Variants in SPECC1 observed in about 807,000 individuals in gnomAD.
SPECC1 encodes the protein sperm antigen with calponin homology and coiled-coil domains 1.
Under a neutral mutation model 104.1 loss-of-function variants are expected in SPECC1, and 62 were observed. That is an observed-to-expected ratio of 0.60 (90% CI 0.49 to 0.74). The LOEUF is 0.74. Among genes scored for constraint, SPECC1 ranks in the 30% least tolerant of loss-of-function variants. The probability of loss-of-function intolerance (pLI) is 0.00; values close to 1 mark genes in which losing one functional copy is unlikely to be tolerated. For missense variants in SPECC1, 1,306 were observed against 1,310.5 expected (o/e 1.00, Z 0.05); for synonymous variants, 513 against 501.6 (o/e 1.02, Z -0.30).
At chr17:20,189,977 CTT>C (rs1459425102) in intron 3 of SPECC1, among the ~76,000 whole-genome samples, 2 of 152,068 alleles carry the variant, frequency 1.3e-5, no homozygotes, top group African/African-American at 2.4e-5. Flanking sequence ...GTGTAGGACT[CTT>C]TTGTGTTTTT....
intron 1 of SPECC1, among the ~76,000 whole-genome samples, chr17:20,066,311 AG>A (rs1356129068): frequency 6.6e-6 from 1 of 152,158 alleles, no homozygotes; most frequent in Non-Finnish European, 1.5e-5. Context: ...AGTTATTTTT[AG>A]GGTTGATAAA....
chr17:20,108,031 C>T (rs115850273), intron 2 of SPECC1, among the ~76,000 whole-genome samples: 2 of 152,110 alleles, frequency 1.3e-5, no homozygotes, highest in Non-Finnish European at 2.9e-5. Context: ...CTACCGTCAT[C>T]CCTCTTGTTA....
chr17:20,242,513 C>T (rs2039247851), intron 7 of SPECC1, among the ~76,000 whole-genome samples: 1 of 151,266 alleles, frequency 6.6e-6, no homozygotes, highest in South Asian at 2.1e-4. Flanking sequence ...TAGTATCTGG[C>T]CTGCAACTGT....
chr17:20,149,645 T>C (rs79757538), intron 3 of SPECC1, among the ~76,000 whole-genome samples: 141 of 152,316 alleles, frequency 9.3e-4, no homozygotes, highest in Non-Finnish European at 1.6e-3. Context: ...CTTTTCTTTG[T>C]ATCCTTTTGC....
At chr17:20,222,159 C>G (rs1264488185) in intron 4 of SPECC1, among the ~76,000 whole-genome samples, 1 of 151,980 alleles carries the variant, frequency 6.6e-6, no homozygotes, top group East Asian at 1.9e-4. Context: ...CATGGAGAAA[C>G]CCTGTCTCTA....
intron 1 of SPECC1, among the ~76,000 whole-genome samples, chr17:20,026,975 A>G (rs1243705725): frequency 6.6e-6 from 1 of 152,074 alleles, no homozygotes; most frequent in Admixed American, 6.6e-5. Flanking sequence ...GATAGTAGCC[A>G]TTCTAACTGG....
intron 1 of SPECC1, among the ~76,000 whole-genome samples, chr17:20,091,672 T>G (rs1375997473): frequency 6.6e-6 from 1 of 152,144 alleles, no homozygotes; most frequent in African/African-American, 2.4e-5. Context: ...GTGGTTCACT[T>G]ACGTTCTATT....
chr17:20,020,653 C>T (rs2044338629), intron 1 of SPECC1, among the ~76,000 whole-genome samples: 1 of 152,192 alleles, frequency 6.6e-6, no homozygotes, highest in Non-Finnish European at 1.5e-5. Flanking sequence ...TGGTTTTAGA[C>T]CTCAGGTGTG....
intron 3 of SPECC1, among the ~76,000 whole-genome samples, chr17:20,197,639 A>T (rs1487823095): frequency 6.6e-6 from 1 of 152,200 alleles, no homozygotes; most frequent in Non-Finnish European, 1.5e-5. Context: ...GCAGAGACCA[A>T]AAGTACTGCC....
chr17:20,241,080 A>ATC (rs1218255837), intron 7 of SPECC1, among the ~76,000 whole-genome samples: 1 of 152,140 alleles, frequency 6.6e-6, no homozygotes, highest in African/African-American at 2.4e-5. Flanking sequence ...AGTGCTTCTG[A>ATC]TCTTCTTCTC....
intron 14 of SPECC1, 78 bp from the exon 15 acceptor site, chr17:20,313,898 C>T: frequency 4.4e-6 from 6 of 1,367,670 alleles, no homozygotes; most frequent in Non-Finnish European, 6.2e-6. Context: ...TAAGCCCTAA[C>T]CTGGACTGAA....
chr17:20,106,020 C>CT (rs2048181698), intron 2 of SPECC1, among the ~76,000 whole-genome samples: 2 of 152,204 alleles, frequency 1.3e-5, no homozygotes, highest in South Asian at 4.1e-4. Context: ...AAATTCTGTA[C>CT]TTTGAGTCAG....
At chr17:20,270,739 A>G (rs920872929) in intron 12 of SPECC1, among the ~76,000 whole-genome samples, 3 of 152,110 alleles carry the variant, frequency 2.0e-5, no homozygotes, top group Non-Finnish European at 4.4e-5. Flanking sequence ...CTAGAAGTGA[A>G]TTTGTTTTTG....
rs191912271 is a variant in SPECC1, at chr17:20,029,391, A to G, written c.-22+19967A>G. ...TCCTGCAGCCTTGCTGAACTTGTTT[A>G]TCAGTTATCATAGTGTCTTAGTAGT... On this transcript the variant is annotated intron_variant, in intron 1 of 14. Coordinates refer to ENST00000395527, the MANE Select transcript of SPECC1 (RefSeq NM_001243439.2). 1.1e-3 allele frequency among the ~76,000 whole-genome samples: 161 copies of G among 152,282 alleles called. 2 individuals are homozygous for G. Among genetic ancestry groups the G allele is most frequent in the Admixed American group, 1.1e-3 (17 of 15,290 alleles).
rs534145036 is a variant in SPECC1 at position 20,133,285 on chromosome 17, A to T, written c.283+22723A>T. 3.6e-4 allele frequency among the ~76,000 whole-genome samples: 55 copies of T among 151,962 alleles called. No individual in the cohort carries two copies. The South Asian group carries it at 4.8e-3, about 13-fold the overall frequency. ...TATTATTTCCTTATCTGAAAAACAG[A>T]GCTAGTCTTACCCATCTCCTACAGT... On this transcript the variant is annotated intron_variant, in intron 3 of 14. Coordinates refer to ENST00000395527, the MANE Select transcript of SPECC1 (RefSeq NM_001243439.2).
intron 12 of SPECC1, among the ~76,000 whole-genome samples, chr17:20,284,287 C>T (rs959574457): frequency 2.0e-5 from 3 of 152,134 alleles, no homozygotes; most frequent in East Asian, 1.9e-4. Flanking sequence ...GCTGAGGAGG[C>T]GGTGATCAGA....
intron 4 of SPECC1, among the ~76,000 whole-genome samples, chr17:20,212,446 G>T (rs925225483): frequency 6.6e-6 from 1 of 152,214 alleles, no homozygotes; most frequent in Non-Finnish European, 1.5e-5. Flanking sequence ...CACAATCATG[G>T]TGGAAGGTGA....
At chr17:20,297,159 T>C in intron 13 of SPECC1, 82 bp downstream of exon 13, 1 of 1,209,480 alleles carries the variant, frequency 8.3e-7, no homozygotes, top group African/African-American at 1.5e-5. Flanking sequence ...GGGAGGGGGC[T>C]TACAGGCCTG....
At chr17:20,175,508 T>C (rs1333371918) in intron 3 of SPECC1, among the ~76,000 whole-genome samples, 1 of 152,240 alleles carries the variant, frequency 6.6e-6, no homozygotes, top group African/African-American at 2.4e-5. Context: ...CTTCTATTCA[T>C]TTCAGTATTC....
Sources: allele counts gnomAD v4.1 joint callset (sites outside exome capture counted in the v4.1 genomes callset), GRCh38; gene constraint gnomAD v4.1.1; transcripts MANE v1.5; gene names NCBI Gene and HGNC (gene_info 2026-07-23, HGNC 2026-07-21).